Variants in MCRS1 observed in about 807,000 individuals in gnomAD.
The protein encoded by MCRS1 is 58 kDa microspherule protein.
MCRS1 carries 22 observed loss-of-function variants against 62.9 expected under a neutral mutation model. The observed-to-expected ratio is 0.35, with a 90% CI of 0.25 to 0.50. MCRS1 has a LOEUF of 0.50. Among genes scored for constraint, MCRS1 ranks in the 20% least tolerant of loss-of-function variants. The pLI, the probability that MCRS1 is intolerant of heterozygous loss-of-function variation, is 0.98. For missense variants in MCRS1, 456 were observed against 601.1 expected (o/e 0.76, Z 2.52); for synonymous variants, 244 against 233.5 (o/e 1.04, Z -0.41).
At chr12:49,560,222 G>A (rs1294157425) in intron 9 of MCRS1, 73 bp downstream of exon 9, 2 of 1,515,812 alleles carry the variant, frequency 1.3e-6, no homozygotes, top group East Asian at 4.5e-5. Flanking sequence ...CTGGGGCTGG[G>A]CAGCCTGGGG....
Position 49,559,569 on chromosome 12 carries a change from C to G in MCRS1, c.1004-34G>C, listed in dbSNP as rs1938644587. 6.2e-7 allele frequency: 1 copy of G among 1,606,014 alleles called. No homozygotes were observed. Among genetic ancestry groups the G allele is most frequent in the South Asian group, 1.1e-5 (1 of 91,046 alleles). On this transcript the variant is annotated intron_variant, in intron 11 of 14. Coordinates refer to ENST00000343810, the MANE Select transcript of MCRS1 (RefSeq NM_006337.5). This position sits in a 1 kb window ranked among gnomAD's most constrained non-coding sequence, Gnocchi z 5.2. Reference sequence around the variant, plus strand: ...AGAGGGAGTTTGGAAGAGCCTACCCCTGAGGGCCAGAATGCAAGGCAGGGA... The same window carrying G: ...AGAGGGAGTTTGGAAGAGCCTACCCGTGAGGGCCAGAATGCAAGGCAGGGA...
chr12:49,562,895 G>A, intron 8 of MCRS1, 106 bp downstream of exon 8: 1 of 1,385,412 alleles, frequency 7.2e-7, no homozygotes, highest in Non-Finnish European at 9.6e-7. Context: ...GGGGATCACT[G>A]AGGAATCTGT....
intron 4 of MCRS1, 180 bp downstream of exon 4, chr12:49,565,349 A>G: frequency 1.0e-6 from 1 of 985,410 alleles, no homozygotes; most frequent in Non-Finnish European, 1.2e-6. Flanking sequence ...TGGGGGCTGC[A>G]GCAAGAAATG....
Position 49,563,083 on chromosome 12 carries a change from G to A in MCRS1, c.723C>T (p.Ala241=). The A allele has an allele frequency of 1.3e-6, 2 of 1,570,858 alleles. No individual in the cohort carries two copies. Among genetic ancestry groups the A allele is most frequent in the South Asian group, 2.3e-5 (2 of 85,972 alleles). Residue 241 remains alanine, a synonymous_variant, in exon 8 of 15, where the codon GCC becomes GCT. Transcript: ENST00000343810. ...CCTTCGCGGTACGGGCCAGGTAGAA[G>A]GCATCAGGGTGTCTGTGCAGCAGGT... ...FQDLLHRHPD[A]FYLARTAKAL... is the part of the protein sequence containing the mutation.
In MCRS1 at chr12:49,564,808, G is replaced by A; in HGVS notation, c.376C>T (p.Leu126Phe). 6.2e-7 allele frequency: 1 copy of A among 1,614,144 alleles called. No homozygotes were observed. Among genetic ancestry groups the A allele is most frequent in the Non-Finnish European group, 8.5e-7 (1 of 1,180,006 alleles). Reference sequence around the variant, plus strand: ...CGGCCCAGATCCTTGGTCACCTGAAGTGGCTGTTTACTCTTCTTCACACGC... The same window carrying A: ...CGGCCCAGATCCTTGGTCACCTGAAATGGCTGTTTACTCTTCTTCACACGC... Reference protein sequence around the residue: ...TKRVKKSKQPLQVTKDLGRWK... With the variant: ...TKRVKKSKQPFQVTKDLGRWK... The change falls in exon 5 of 15, where the codon CTT (leucine) becomes TTT (phenylalanine). Residue 126 changes from leucine to phenylalanine, a missense_variant. Leu to Phe is a conservative substitution (Grantham distance 22). Coordinates refer to ENST00000343810, the MANE Select transcript of MCRS1 (RefSeq NM_006337.5).
At chr12:49,560,185 G>T (rs546355145) in intron 9 of MCRS1, 110 bp downstream of exon 9, 18 of 1,303,614 alleles carry the variant, frequency 1.4e-5, no homozygotes, top group South Asian at 2.4e-5. Flanking sequence ...AGCCAGGGGG[G>T]GCCAAGCACC....
chr12:49,566,611 G>T, intron 2 of MCRS1, 111 bp downstream of exon 2: 2 of 1,539,042 alleles, frequency 1.3e-6, no homozygotes, highest in Non-Finnish European at 1.8e-6. Context: ...TGGCCCAGGG[G>T]GAGGTGGCAA....
chr12:49,562,964 G>A (rs779884629), intron 8 of MCRS1, 37 bp downstream of exon 8: 6 of 1,578,758 alleles, frequency 3.8e-6, no homozygotes, highest in Admixed American at 3.4e-5. Flanking sequence ...ACATGCACGT[G>A]CACACACCCC....
chr12:49,558,656 A>C lies in MCRS1; in HGVS notation c.1376T>G (p.Ile459Ser), dbSNP rs767693701. Reference protein sequence around the residue: ...IALIRAEAAKITPQ With the variant: ...IALIRAEAAKSTPQ ...TGCCACCACTCCTCACTGTGGTGTGATCTTGGCAGCCTCAGCCCTGATGAG... is the reference window on the plus strand; with the variant it reads ...TGCCACCACTCCTCACTGTGGTGTGCTCTTGGCAGCCTCAGCCCTGATGAG... The change falls in exon 15 of 15, where the codon ATC becomes AGC. Residue 459 changes from isoleucine to serine, a missense_variant. By Grantham distance (142) the Ile-to-Ser change is moderately radical. Around this residue, in one of 3 missense-constraint regions of MCRS1, gnomAD observed 393 missense variants for 523.5 expected, o/e 0.75. Transcript: ENST00000343810. The C allele has an allele frequency of 3.0e-5, 49 of 1,613,350 alleles. No homozygotes were observed. The highest frequency in any genetic ancestry group is 4.1e-5 in the Non-Finnish European group (48 of 1,180,040).
chr12:49,559,318 G>A lies in MCRS1; in HGVS notation c.1087-17C>T. On this transcript the variant is annotated splice_polypyrimidine_tract_variant and intron_variant, in intron 12 of 14. Transcript: ENST00000343810. The surrounding 1 kb of genome is among the most constrained non-coding windows in gnomAD (Gnocchi z 5.2). ...CAGGGTGATCTGGGGAAATGGGGCA[G>A]GTGAGGGCTGGGACCTGAAGAATTG... is the stretch of plus-strand genomic sequence containing the variant. 6.2e-7 allele frequency: 1 copy of A among 1,613,026 alleles called. No homozygotes were observed. Among genetic ancestry groups the A allele is most frequent in the Non-Finnish European group, 8.5e-7 (1 of 1,179,002 alleles).
rs1191643055 is a variant in MCRS1, at chr12:49,564,829, C to G, written c.355G>C (p.Val119Leu). 1 of 1,614,124 alleles carries G rather than the reference C, an allele frequency of 6.2e-7. No individual in the cohort carries two copies. Among genetic ancestry groups the G allele is most frequent in the Non-Finnish European group, 8.5e-7 (1 of 1,179,996 alleles). ...TGAAGTGGCTGTTTACTCTTCTTCACACGCTTGGTGAGTCCAGGGGCTGGG... is the reference window on the plus strand; with the variant it reads ...TGAAGTGGCTGTTTACTCTTCTTCAGACGCTTGGTGAGTCCAGGGGCTGGG... ...PAPAPGLTKRVKKSKQPLQVT... is the reference protein window; with the variant it reads ...PAPAPGLTKRLKKSKQPLQVT... The change falls in exon 5 of 15, where the codon GTG (valine) becomes CTG (leucine). Residue 119 changes from valine to leucine, a missense_variant. Around this residue, in one of 3 missense-constraint regions of MCRS1, gnomAD observed 393 missense variants for 523.5 expected, o/e 0.75. Coordinates refer to ENST00000343810, the MANE Select transcript of MCRS1 (RefSeq NM_006337.5).
chr12:49,564,661 CCT>C (rs1938957570), intron 5 of MCRS1, 71 bp from the exon 6 acceptor site: 22 of 1,606,146 alleles, frequency 1.4e-5, no homozygotes, highest in Non-Finnish European at 1.9e-5. Context: ...CCCACAGGGC[CCT>C]GTTGGGCTAA....
At chr12:49,561,283 A>C (rs1938752227) in intron 8 of MCRS1, among the ~76,000 whole-genome samples, 1 of 152,206 alleles carries the variant, frequency 6.6e-6, no homozygotes, top group African/African-American at 2.4e-5. Flanking sequence ...TGTGCTCTAT[A>C]GCAGCTAGTG....
chr12:49,566,030 A>C, intron 3 of MCRS1, 47 bp downstream of exon 3: 1 of 1,586,400 alleles, frequency 6.3e-7, no homozygotes, highest in Non-Finnish European at 8.6e-7. Flanking sequence ...TTAACGCCAC[A>C]GACCTTCTAC....
chr12:49,563,321 C>T lies in MCRS1; in HGVS notation c.666+117G>A, dbSNP rs139443240. The T allele has an allele frequency of 9.8e-5, 129 of 1,314,058 alleles. No individual in the cohort carries two copies. In the Admixed American group the frequency reaches 1.7e-3, roughly 18 times the overall value. 81.4% of individuals were successfully genotyped at this position (1,314,058 alleles called of 1,614,324 possible). A position where few individuals can be genotyped will look rare whatever the true frequency, so the allele number is the denominator to read the frequency against. On this transcript the variant is annotated intron_variant, in intron 7 of 14. Coordinates refer to ENST00000343810, the MANE Select transcript of MCRS1 (RefSeq NM_006337.5). The stretch of plus-strand genomic sequence containing the variant: ...ACAAACGCCCCTGCCAATGTGCACA[C>T]GTGTGCATGTGCACATATCCAGACA...
intron 1 of MCRS1, 91 bp from the exon 2 acceptor site, chr12:49,566,932 T>C (rs1286698812): frequency 3.0e-6 from 2 of 659,758 alleles, no homozygotes; most frequent in Non-Finnish European, 5.2e-6. Context: ...CAGGGTCCCA[T>C]AAGCTAGGGA....
intron 8 of MCRS1, among the ~76,000 whole-genome samples, chr12:49,560,592 T>C (rs1249452760): frequency 2.0e-5 from 3 of 152,198 alleles, no homozygotes; most frequent in South Asian, 2.1e-4. Context: ...GAAATTAAAA[T>C]TGACCTTTTG....
chr12:49,559,105 G>A lies in MCRS1; in HGVS notation c.1174+109C>T. 6.6e-7 allele frequency: 1 copy of A among 1,504,698 alleles called. No homozygotes were observed. The highest frequency in any genetic ancestry group is 1.2e-5 in the South Asian group (1 of 83,990). 93.2% of individuals were successfully genotyped at this position (1,504,698 alleles called of 1,614,324 possible). On this transcript the variant is annotated intron_variant, in intron 13 of 14. Coordinates refer to ENST00000343810, the MANE Select transcript of MCRS1 (RefSeq NM_006337.5). This position sits in a 1 kb window ranked among gnomAD's most constrained non-coding sequence, Gnocchi z 5.2. ...ACACCAAGGAATCCCTGCCTCAGGT[G>A]GTCCACGAGGGTCCCCATGGACACC...
intron 1 of MCRS1, among the ~76,000 whole-genome samples, 198 bp from the exon 2 acceptor site, chr12:49,567,039 A>G (rs1485787153): frequency 5.9e-5 from 9 of 152,230 alleles, no homozygotes; most frequent in Non-Finnish European, 1.0e-4. Context: ...TCAGAGTATG[A>G]TAACAGCTAT....
Sources: allele counts gnomAD v4.1 joint callset (sites outside exome capture counted in the v4.1 genomes callset), GRCh38; gene constraint gnomAD v4.1.1; regional missense constraint gnomAD v4.1.1; non-coding constraint Gnocchi (gnomAD v3.1); transcripts MANE v1.5; gene names NCBI Gene and HGNC (gene_info 2026-07-23, HGNC 2026-07-21).